The following GPHN variants were observed in gnomAD, a reference collection of about 807,000 sequenced individuals.
GPHN encodes gephyrin.
In GPHN, 17 loss-of-function variants were observed where a neutral mutation model predicts 95.5. The ratio of observed to expected loss-of-function variants is 0.18; its 90% CI spans 0.12 to 0.27. The LOEUF (loss-of-function observed/expected upper bound fraction) is 0.27. Ranked by LOEUF, GPHN falls within the 10% of genes least tolerant of loss-of-function variation. GPHN has a pLI of 1.00. For synonymous variants in GPHN, 320 were observed against 322.5 expected (o/e 0.99, Z 0.08); for missense variants, 660 against 978.1 (o/e 0.67, Z 4.34).
chr14:66,601,294 A>G (rs1310889459), intron 1 of GPHN, among the ~76,000 whole-genome samples: 1 of 152,036 alleles, frequency 6.6e-6, no homozygotes, highest in Non-Finnish European at 1.5e-5. Context: ...ATTCAGAGGG[A>G]AGATTATTTT....
At chr14:66,519,848 GTAA>G (rs1043239882) in intron 1 of GPHN, among the ~76,000 whole-genome samples, 2 of 152,080 alleles carry the variant, frequency 1.3e-5, no homozygotes, top group African/African-American at 2.4e-5. Flanking sequence ...TTTAATCCTC[GTAA>G]TAATATGTTA....
chr14:67,204,610 A>T, the GPHN span: 2 of 1,613,842 alleles, frequency 1.2e-6, no homozygotes, highest in African/African-American at 1.3e-5. Flanking sequence ...AAAGCTGGTG[A>T]GTGGTCGAGC....
the GPHN span, among the ~76,000 whole-genome samples, chr14:67,478,792 T>G: frequency 2.0e-5 from 3 of 152,130 alleles, no homozygotes; most frequent in Non-Finnish European, 4.4e-5. Flanking sequence ...CAGAGTTGTC[T>G]TCCCACTTCT....
intron 3 of GPHN, among the ~76,000 whole-genome samples, chr14:66,789,897 C>A (rs2059912592): frequency 6.6e-6 from 1 of 152,116 alleles, no homozygotes; most frequent in South Asian, 2.1e-4. Flanking sequence ...TTGTTACACA[C>A]CAGAGTTCTC....
At chr14:67,622,450 C>T in the GPHN span, among the ~76,000 whole-genome samples, 2 of 152,162 alleles carry the variant, frequency 1.3e-5, no homozygotes, top group African/African-American at 4.8e-5. Context: ...ATTCAATATT[C>T]GAACCTTGTT....
chr14:67,684,954 A>G, the GPHN span: 16 of 1,453,620 alleles, frequency 1.1e-5, no homozygotes, highest in Admixed American at 3.4e-4. Context: ...ATACCCAGAC[A>G]AACCCAAATT....
chr14:67,256,504 TGTA>T, the GPHN span, among the ~76,000 whole-genome samples: 2 of 152,222 alleles, frequency 1.3e-5, no homozygotes, highest in Non-Finnish European at 2.9e-5. Context: ...CATTTCAACT[TGTA>T]GTAAATATAA....
chr14:67,376,449 T>C, the GPHN span: 1 of 1,608,842 alleles, frequency 6.2e-7, no homozygotes, highest in Non-Finnish European at 8.5e-7. Context: ...GTTTATAGCA[T>C]TCTTCGTCAT....
At chr14:66,723,924 C>G (rs2070984351) in intron 2 of GPHN, among the ~76,000 whole-genome samples, 1 of 151,114 alleles carries the variant, frequency 6.6e-6, no homozygotes, top group Admixed American at 6.6e-5. Flanking sequence ...TTAAATGGAG[C>G]CCTTTTGTAT....
chr14:66,579,511 A>G (rs183321326), intron 1 of GPHN, among the ~76,000 whole-genome samples: 1,841 of 151,942 alleles, frequency 0.012, 23 homozygotes, highest in Non-Finnish European at 0.018. Flanking sequence ...AAGAAATGGG[A>G]AAAGATAGTC....
intron 2 of GPHN, among the ~76,000 whole-genome samples, chr14:66,773,993 G>GTTTTTTTTTTTTTT (rs1172451199): frequency 1.1e-5 from 1 of 89,974 alleles, no homozygotes; most frequent in Non-Finnish European, 2.0e-5. Context: ...TATCTAGAAA[G>GTTTTTTTTTTTTTT]TTTTTTTTTT....
At chr14:67,163,308 A>T (rs2082070759) in intron 19 of GPHN, among the ~76,000 whole-genome samples, 1 of 152,036 alleles carries the variant, frequency 6.6e-6, no homozygotes, top group African/African-American at 2.4e-5. Context: ...CTTGTCTCAA[A>T]AAATAAATAA....
the GPHN span, among the ~76,000 whole-genome samples, chr14:67,356,280 G>A: frequency 1.3e-5 from 2 of 151,928 alleles, no homozygotes; most frequent in Admixed American, 1.3e-4. Context: ...AATTAGCTGG[G>A]TATGGTGCTG....
At chr14:66,872,067 C>G (rs2063462785) in intron 4 of GPHN, among the ~76,000 whole-genome samples, 1 of 152,120 alleles carries the variant, frequency 6.6e-6, no homozygotes, top group African/African-American at 2.4e-5. Flanking sequence ...TTCACTGTAC[C>G]AGTAAATTGC....
At chr14:66,588,894 T>C (rs1273953573) in intron 1 of GPHN, among the ~76,000 whole-genome samples, 3 of 151,950 alleles carry the variant, frequency 2.0e-5, no homozygotes, top group Non-Finnish European at 2.9e-5. Context: ...ACCACAAAGA[T>C]ACTACTAGAG....
the GPHN span, among the ~76,000 whole-genome samples, chr14:67,640,437 C>T: frequency 6.6e-6 from 1 of 152,290 alleles, no homozygotes; most frequent in Admixed American, 6.5e-5. Flanking sequence ...GGTGGCAATT[C>T]CTTGGTTGGC....
At chr14:67,331,023 C>A in the GPHN span, among the ~76,000 whole-genome samples, 1 of 151,884 alleles carries the variant, frequency 6.6e-6, no homozygotes, top group East Asian at 1.9e-4. Flanking sequence ...ATTTATTCTA[C>A]TTAAGTTTTT....
At chr14:67,399,681 A>T in the GPHN span, among the ~76,000 whole-genome samples, 1 of 147,728 alleles carries the variant, frequency 6.8e-6, no homozygotes, top group Admixed American at 6.7e-5. Context: ...AGGGTGGTTT[A>T]GGTGGGTCTC....
At chr14:67,552,660 G>A in the GPHN span, among the ~76,000 whole-genome samples, 15 of 151,600 alleles carry the variant, frequency 9.9e-5, no homozygotes, top group South Asian at 2.1e-4. Flanking sequence ...CCAGCTACTC[G>A]GGAGGCTAAG....
Sources: gnomAD v4.1 joint callset for allele counts (sites outside exome capture counted in the v4.1 genomes callset) on GRCh38, gnomAD v4.1.1 for gene constraint, MANE v1.5 for transcripts, NCBI Gene and HGNC (gene_info 2026-07-23, HGNC 2026-07-21) for gene names.